The following LRRC37B variants were observed in gnomAD, a reference collection of about 807,000 sequenced individuals.
LRRC37B encodes the protein leucine rich repeat containing 37B, also known as leucine-rich repeat-containing protein 37B.
In LRRC37B, 28 loss-of-function variants were observed where a neutral mutation model predicts 98.3. That is an observed-to-expected ratio of 0.28 (90% CI 0.21 to 0.39). The LOEUF (loss-of-function observed/expected upper bound fraction) is 0.39. Ranked by LOEUF, LRRC37B falls within the 10% of genes least tolerant of loss-of-function variation. The probability of loss-of-function intolerance (pLI) is 1.00; values close to 1 mark genes in which losing one functional copy is unlikely to be tolerated. For synonymous variants in LRRC37B, 364 were observed against 442.7 expected (o/e 0.82, Z 2.23); for missense variants, 938 against 1,182.7 (o/e 0.79, Z 3.03).
chr17:32,033,324 A>T (rs1178370579), intron 5 of LRRC37B, among the ~76,000 whole-genome samples: 1 of 129,344 alleles, frequency 7.7e-6, no homozygotes, highest in Non-Finnish European at 1.6e-5. Flanking sequence ...GGAAGGGAGG[A>T]AGGGAGGGAG....
At chr17:32,029,433 C>A (rs1265358154) in intron 3 of LRRC37B, among the ~76,000 whole-genome samples, 56 of 150,858 alleles carry the variant, frequency 3.7e-4, no homozygotes, top group African/African-American at 1.2e-3. Flanking sequence ...ATGGGATGAA[C>A]AATAACTACA....
chr17:32,014,701 T>TATAG (rs201573145), intron 1 of LRRC37B, among the ~76,000 whole-genome samples: 2,528 of 152,074 alleles, frequency 0.017, 34 homozygotes, highest in African/African-American at 0.028. Flanking sequence ...TGTATGTAGA[T>TATAG]ATAGATAGAT....
chr17:32,041,947 G>A (rs1282598260), intron 7 of LRRC37B: 2 of 397,960 alleles, frequency 5.0e-6, no homozygotes, highest in East Asian at 1.4e-4. Context: ...TAACAGGCTT[G>A]GATCGAGTGT....
At chr17:32,007,855 C>T, upstream of LRRC37B, 2 of 1,150,678 alleles carry the variant, frequency 1.7e-6, no homozygotes, top group Non-Finnish European at 2.1e-6. This position sits in a 1 kb window ranked among gnomAD's most constrained non-coding sequence, Gnocchi z 4.1. Context: ...CCCGCGCCGG[C>T]ACCAGCGCAC....
intron 6 of LRRC37B, 136 bp downstream of exon 9, chr17:32,035,117 G>A: frequency 1.5e-6 from 1 of 656,490 alleles, no homozygotes; most frequent in South Asian, 2.1e-5. Flanking sequence ...AAAGTTATTG[G>A]CAAAGAAAAG....
rs796570580 is a variant in LRRC37B at position 32,046,599 on chromosome 17, CTTTT to C, written c.2323+796_2323+799del. On this transcript the variant is annotated intron_variant, in intron 8 of 11. Transcript: ENST00000327564. ...ATTTTTCAAAACTTTTTCTTTTTTT[CTTTT>C]TTTTTTTTTTTTTTACCAATTATAT... Among the ~76,000 whole-genome samples the C allele has an allele frequency of 2.3e-5, 3 of 132,868 alleles. No individual in the cohort carries two copies. The East Asian group carries it at 6.6e-4, about 29-fold the overall frequency. The allele number at this position is 132,868 out of a possible 152,430, so 87.2% of individuals were successfully genotyped here.
At chr17:32,025,879 C>G (rs904987241) in intron 2 of LRRC37B, among the ~76,000 whole-genome samples, 1 of 152,362 alleles carries the variant, frequency 6.6e-6, no homozygotes, top group Middle Eastern at 3.4e-3. Flanking sequence ...CATTTCCCCA[C>G]ACCTTTTCAC....
intron 7 of LRRC37B, among the ~76,000 whole-genome samples, chr17:32,038,093 C>T (rs1343153139): frequency 1.3e-5 from 2 of 151,850 alleles, no homozygotes; most frequent in East Asian, 3.9e-4. Flanking sequence ...CGCCACTGCA[C>T]TCCAGCCTGG....
rs183923571 is a variant in LRRC37B, at chr17:32,043,720, A to G, written c.2205-1980A>G. ...GATTATTCCTCTATAGGTTTGAAAGATGTATCAGGCCAACTTACTGGATAC... is the reference window on the plus strand; with the variant it reads ...GATTATTCCTCTATAGGTTTGAAAGGTGTATCAGGCCAACTTACTGGATAC... On this transcript the variant is annotated intron_variant, in intron 7 of 11. Transcript: ENST00000327564. 2.7e-4 allele frequency among the ~76,000 whole-genome samples: 41 copies of G among 152,324 alleles called. No individual in the cohort carries two copies. In the East Asian group the frequency reaches 7.5e-3, roughly 28 times the overall value.
At chr17:32,048,313 C>T (rs2142262607) in intron 9 of LRRC37B, among the ~76,000 whole-genome samples, 1 of 148,702 alleles carries the variant, frequency 6.7e-6, no homozygotes, top group South Asian at 2.2e-4. Context: ...CATTTGTGGA[C>T]AATGCTGCCA....
At chr17:32,022,016 G>C (rs753086179) in exon 1 of LRRC37B, 1 of 1,614,004 alleles carries the variant, frequency 6.2e-7, no homozygotes. Context: ...AGCTTCTACA[G>C]CTCCCTCAGG....
intron 7 of LRRC37B, among the ~76,000 whole-genome samples, chr17:32,039,139 C>T (rs1329449683): frequency 1.3e-5 from 2 of 150,998 alleles, no homozygotes; most frequent in Admixed American, 6.6e-5. Flanking sequence ...GTTTTTTTGC[C>T]ATTTTATTTT....
chr17:32,039,999 A>T (rs1247965916), intron 7 of LRRC37B: 1 of 152,262 alleles, frequency 6.6e-6, no homozygotes, highest in Non-Finnish European at 1.5e-5. Context: ...CCATTAGTGG[A>T]TAGGAAAAAA....
At chr17:32,041,731 T>C in intron 7 of LRRC37B, 1 of 457,440 alleles carries the variant, frequency 2.2e-6, no homozygotes, top group South Asian at 1.5e-5. Flanking sequence ...TTGTTTAAAC[T>C]AGCGCTGACC....
At chr17:32,034,820 A>G in intron 5 of LRRC37B, 90 bp from the exon 9 acceptor site, 1 of 975,428 alleles carries the variant, frequency 1.0e-6, no homozygotes, top group Non-Finnish European at 1.6e-6. Context: ...TTTTTACCTA[A>G]AAGTTCCATA....
chr17:32,027,336 CGTGTGTGCTTGCTT>C (rs1428052084), intron 2 of LRRC37B, among the ~76,000 whole-genome samples: 1 of 147,918 alleles, frequency 6.8e-6, no homozygotes, highest in African/African-American at 2.5e-5. Flanking sequence ...TGTGCTTGCA[CGTGTGTGCTTGCTT>C]GTGTGTGTGT....
intron 9 of LRRC37B, among the ~76,000 whole-genome samples, chr17:32,048,768 G>C (rs1469479208): frequency 2.0e-5 from 3 of 152,234 alleles, no homozygotes; most frequent in Non-Finnish European, 2.9e-5. Flanking sequence ...GCAGCGAAGA[G>C]CCTCATAAAT....
chr17:32,050,701 G>A (rs1445748357), intron 11 of LRRC37B: 1 of 151,758 alleles, frequency 6.6e-6, no homozygotes. Context: ...TCATACTCCA[G>A]CCCTCCTGAG....
chr17:32,050,810 C>G (rs1911733347), intron 11 of LRRC37B, among the ~76,000 whole-genome samples: 1 of 152,184 alleles, frequency 6.6e-6, no homozygotes, highest in Non-Finnish European at 1.5e-5. Context: ...AAATCTAAAG[C>G]CTACATCTGG....
Sources: gnomAD v4.1 joint callset for allele counts (sites outside exome capture counted in the v4.1 genomes callset) on GRCh38, gnomAD v4.1.1 for gene constraint, Gnocchi (gnomAD v3.1) non-coding constraint, MANE v1.5 for transcripts, NCBI Gene and HGNC (gene_info 2026-07-23, HGNC 2026-07-21) for gene names.